TTLL12: variants seen among roughly 807,000 people sequenced by gnomAD.
TTLL12 encodes the protein tubulin tyrosine ligase like 12, also known as tubulin--tyrosine ligase-like protein 12.
In TTLL12, 77 loss-of-function variants were observed where a neutral mutation model predicts 79.6. The observed-to-expected ratio is 0.97, with a 90% CI of 0.81 to 1.17. TTLL12 has a LOEUF of 1.17. Among genes scored for constraint, TTLL12 ranks in the 50% most tolerant of loss-of-function variants. The probability of loss-of-function intolerance (pLI) is 0.00; values close to 1 mark genes in which losing one functional copy is unlikely to be tolerated. For synonymous variants in TTLL12, 437 were observed against 376.1 expected, an observed-to-expected ratio of 1.16 and a Z score of -1.87; for missense variants, 969 against 895.9, an observed-to-expected ratio of 1.08 and a Z score of -1.04.
At position 43,173,601 on chromosome 22, in the gene TTLL12, C is replaced by T. The variant is rs8141376; in HGVS notation, c.1341+114G>A. ...GTGCTGAGATTACAGGTGTAAGCCA[C>T]CCTGCCCAGCCTGGACCTGTCCATA... On this transcript the variant is annotated intron_variant, in intron 9 of 13. Transcript: ENST00000216129. 3,740 of 985,712 alleles carry T rather than the reference C, an allele frequency of 3.8e-3. 102 individuals are homozygous for T. The African/African-American group carries it at 0.054, about 14-fold the overall frequency. The allele number at this position is 985,712 out of a possible 1,614,324, so 61.1% of individuals were successfully genotyped here. A position where few individuals can be genotyped will look rare whatever the true frequency, so the allele number is the denominator to read the frequency against.
Position 43,167,891 on chromosome 22 carries a change from G to A in TTLL12, c.*117C>T. On this transcript the variant is annotated 3_prime_UTR_variant, in exon 14 of 14. Transcript: ENST00000216129. The stretch of plus-strand genomic sequence containing the variant: ...ATGGCTCGGCAGGACAGAGGCCTGG[G>A]GCTGAGGCTATGCCCAGGGCCGGTG... 1 of 1,350,382 alleles carries A rather than the reference G, an allele frequency of 7.4e-7. No homozygotes were observed. Among genetic ancestry groups the A allele is most frequent in the Non-Finnish European group, 1.0e-6 (1 of 979,354 alleles). 83.6% of individuals were successfully genotyped at this position (1,350,382 alleles called of 1,614,324 possible).
chr22:43,173,124 TCTGA>T (rs1415584394), intron 9 of TTLL12, among the ~76,000 whole-genome samples: 1 of 152,232 alleles, frequency 6.6e-6, no homozygotes, highest in Non-Finnish European at 1.5e-5. Flanking sequence ...CCCGCCAGCC[TCTGA>T]CTATGTACAC....
At position 43,174,314 on chromosome 22, in the gene TTLL12, G is replaced by A. The variant is rs372425100; in HGVS notation, c.1124C>T (p.Ala375Val). 5 of 1,610,366 alleles carry A rather than the reference G, an allele frequency of 3.1e-6. No individual in the cohort carries two copies. Among genetic ancestry groups the A allele is most frequent in the East Asian group, 2.2e-5 (1 of 44,840 alleles). Residue 375 changes from alanine to valine, a missense_variant, in exon 8 of 14, where the codon GCG (alanine) becomes GTG (valine). By Grantham distance (64) the Ala-to-Val change is moderately conservative. Transcript: ENST00000216129. ...LTVKDCLASIARRAGGPEGPP... is the reference protein window; with the variant it reads ...LTVKDCLASIVRRAGGPEGPP... ...GCCCTCGGGGCCACCTGCCCGGCGC[G>A]CGATGGAGGCCAGGCAGTCCTTGAC... is the stretch of plus-strand genomic sequence containing the variant.
intron 5 of TTLL12, among the ~76,000 whole-genome samples, chr22:43,177,234 T>TAGCAGTTGCCTGGA (rs1931938596): frequency 6.6e-6 from 1 of 151,846 alleles, no homozygotes; most frequent in Non-Finnish European, 1.5e-5. Flanking sequence ...CGGGGCTTGG[T>TAGCAGTTGCCTGGA]AGCAGTTGCC....
rs11090144 is a variant in TTLL12, at chr22:43,180,874, C to A, written c.414G>T (p.Val138=). 154,819 of 1,612,878 alleles carry A rather than the reference C, an allele frequency of 0.096. 8,321 individuals carry two copies. The highest frequency in any genetic ancestry group is 0.11 in the Non-Finnish European group (128,002 of 1,179,896). ...VEHARQQLQQ[V]PGLLHRMANL... ...TGGCCATGCGGTGCAGCAGCCCGGG[C>A]ACCTGCTGCAGCTGCTGGCGCGCGT... is the stretch of plus-strand genomic sequence containing the variant. The change falls in exon 3 of 14, where the codon GTG becomes GTT. Residue 138 remains valine, a synonymous_variant. Transcript: ENST00000216129.
chr22:43,173,645 C>A, intron 9 of TTLL12, 70 bp downstream of exon 9: 2 of 1,454,382 alleles, frequency 1.4e-6, no homozygotes, highest in East Asian at 2.3e-5. Context: ...GATGCTCGGT[C>A]CCCTTAGCCC....
Position 43,168,145 on chromosome 22 carries a change from G to C in TTLL12, c.1798C>G (p.Gln600Glu). ...AAGTTCACCTCCAGGATCTGCGGCT[G>C]CATCACCCGCCTTCCTGATGGCAAA... is the stretch of plus-strand genomic sequence containing the variant. ...DNGPDGRRVM[Q>E]PQILEVNFNP... Residue 600 changes from glutamine (Q) to glutamate (E), a missense_variant, in exon 14 of 14, where the codon CAG (glutamine) becomes GAG (glutamate). Physicochemically the swap from Gln to Glu is conservative, Grantham distance 29. Coordinates refer to ENST00000216129, the MANE Select transcript of TTLL12 (RefSeq NM_015140.4). 1 of 1,614,068 alleles carries C rather than the reference G, an allele frequency of 6.2e-7. No homozygotes were observed. The highest frequency in any genetic ancestry group is 8.5e-7 in the Non-Finnish European group (1 of 1,179,968).
chr22:43,168,801 T>C lies in TTLL12; in HGVS notation c.1756A>G (p.Met586Val), dbSNP rs201537260. Residue 586 changes from methionine (M) to valine (V), a missense_variant, in exon 13 of 14, where the codon ATG (methionine) becomes GTG (valine). Transcript: ENST00000216129. ...TCTGGGCCGTTGTCCCACTTCAGCA[T>C]GAGGTCGACGGCATACATGGCCCGG... is the stretch of plus-strand genomic sequence containing the variant. Reference protein sequence around the residue: ...SSRAMYAVDLMLKWDNGPDGR... With the variant: ...SSRAMYAVDLVLKWDNGPDGR... The C allele has an allele frequency of 3.8e-6, 6 of 1,571,866 alleles. No individual in the cohort carries two copies. The East Asian group carries it at 1.4e-4, about 37-fold the overall frequency.
chr22:43,183,758 C>T (rs1846990056), intron 1 of TTLL12, among the ~76,000 whole-genome samples: 1 of 152,366 alleles, frequency 6.6e-6, no homozygotes, highest in Admixed American at 6.5e-5. Flanking sequence ...GGCAAGTGAC[C>T]TCTTCTGGTG....
chr22:43,169,893 A>G, intron 11 of TTLL12: 2 of 474,656 alleles, frequency 4.2e-6, no homozygotes, highest in Middle Eastern at 3.2e-4. Context: ...CGAGGGCTCC[A>G]GAAACTGCAG....
Position 43,180,012 on chromosome 22 carries a change from G to GC in TTLL12, c.547-13dup, listed in dbSNP as rs1932015341. ...TTCTCCTCAGCTGTCTGCAGACAGA[G>GC]CACATATGGCACCTCTCGCTCACCC... On this transcript the variant is annotated splice_polypyrimidine_tract_variant and intron_variant, in intron 3 of 13. Transcript: ENST00000216129. 19 of 1,566,820 alleles carry GC rather than the reference G, an allele frequency of 1.2e-5. No individual in the cohort carries two copies. The highest frequency in any genetic ancestry group is 1.6e-5 in the Non-Finnish European group (19 of 1,156,726).
intron 9 of TTLL12, 24 bp from the exon 10 acceptor site, chr22:43,172,578 G>T: frequency 1.2e-6 from 2 of 1,613,706 alleles, no homozygotes; most frequent in Non-Finnish European, 1.7e-6. Context: ...GTGCAAGCTC[G>T]CTGGTGGCCA....
intron 5 of TTLL12, among the ~76,000 whole-genome samples, chr22:43,178,088 G>A (rs1394962554): frequency 1.3e-5 from 2 of 152,120 alleles, no homozygotes; most frequent in Non-Finnish European, 2.9e-5. Context: ...TTGCATCCAC[G>A]AAGGCATTCA....
At chr22:43,173,642 G>A (rs1569484243) in intron 9 of TTLL12, 73 bp downstream of exon 9, 18 of 1,430,618 alleles carry the variant, frequency 1.3e-5, no homozygotes, top group African/African-American at 1.4e-5. Flanking sequence ...CATGATGCTC[G>A]GTCCCCTTAG....
rs367668055 is a variant in TTLL12 at position 43,176,662 on chromosome 22, G to A, written c.841-266C>T. On this transcript the variant is annotated intron_variant, in intron 5 of 13. Transcript: ENST00000216129. ...GGAGAATCGCTTGAACCCGGGAGGC[G>A]GAGGTTGTAGTGAGCCGAGATTGCG... Among the ~76,000 whole-genome samples, 53 of 150,696 alleles carry A rather than the reference G, an allele frequency of 3.5e-4. 1 individual carries two copies. In the South Asian group the frequency reaches 7.3e-3, roughly 21 times the overall value.
intron 9 of TTLL12, 25 bp from the exon 10 acceptor site, chr22:43,172,579 C>T: frequency 6.2e-7 from 1 of 1,613,694 alleles, no homozygotes; most frequent in Non-Finnish European, 8.5e-7. Context: ...TGCAAGCTCG[C>T]TGGTGGCCAG....
intron 1 of TTLL12, among the ~76,000 whole-genome samples, chr22:43,183,383 A>G (rs1367418022): frequency 6.6e-6 from 1 of 152,164 alleles, no homozygotes; most frequent in Non-Finnish European, 1.5e-5. Flanking sequence ...CCGTCACCTG[A>G]GCTGTCATCC....
chr22:43,177,136 AGGT>A (rs1453256068), intron 5 of TTLL12, among the ~76,000 whole-genome samples: 1 of 152,018 alleles, frequency 6.6e-6, no homozygotes, highest in African/African-American at 2.4e-5. Context: ...TGGGAAGCTG[AGGT>A]GGAGGAGTAC....
chr22:43,170,525 C>T (rs1269015966), intron 11 of TTLL12, among the ~76,000 whole-genome samples: 1 of 152,228 alleles, frequency 6.6e-6, no homozygotes, highest in Non-Finnish European at 1.5e-5. Context: ...CAGTTAGCAA[C>T]AAGCCCGAAC....
Sources: gnomAD v4.1 joint callset for allele counts (sites outside exome capture counted in the v4.1 genomes callset) on GRCh38, gnomAD v4.1.1 for gene constraint, MANE v1.5 for transcripts, NCBI Gene and HGNC (gene_info 2026-07-23, HGNC 2026-07-21) for gene names.